DPP10: variants seen among roughly 807,000 people sequenced by gnomAD.
DPP10 encodes inactive dipeptidyl peptidase 10.
Under a neutral mutation model 120.9 loss-of-function variants are expected in DPP10, and 33 were observed. The ratio of observed to expected loss-of-function variants is 0.27; its 90% CI spans 0.21 to 0.37. The LOEUF is 0.37. Ranked by LOEUF, DPP10 falls within the 10% of genes least tolerant of loss-of-function variation. The pLI, the probability that DPP10 is intolerant of heterozygous loss-of-function variation, is 1.00. For synonymous variants in DPP10, 337 were observed against 326.1 expected, an observed-to-expected ratio of 1.03 and a Z score of -0.36; for missense variants, 816 against 942.8, an observed-to-expected ratio of 0.87 and a Z score of 1.76.
At chr2:115,264,299 T>C (rs1025379781) in intron 1 of DPP10, among the ~76,000 whole-genome samples, 1 of 152,216 alleles carries the variant, frequency 6.6e-6, no homozygotes, top group Non-Finnish European at 1.5e-5. Context: ...TCACTGAAAT[T>C]CCTGTATGTT....
chr2:115,464,362 A>G (rs1312082056), intron 3 of DPP10, among the ~76,000 whole-genome samples: 1 of 152,036 alleles, frequency 6.6e-6, no homozygotes, highest in Non-Finnish European at 1.5e-5. Context: ...CTGGAGAGCC[A>G]GATTTGAATT....
intron 3 of DPP10, among the ~76,000 whole-genome samples, chr2:115,391,257 G>A (rs1366951391): frequency 1.3e-5 from 2 of 152,106 alleles, no homozygotes; most frequent in African/African-American, 4.8e-5. Context: ...ATTAACAACA[G>A]GACTTATATC....
intron 1 of DPP10, among the ~76,000 whole-genome samples, chr2:114,895,719 T>C (rs1268804871): frequency 6.6e-6 from 1 of 152,226 alleles, no homozygotes; most frequent in African/African-American, 2.4e-5. Context: ...GGAATTAGCC[T>C]ACTATAACTG....
At chr2:115,233,935 A>G (rs140986760) in intron 1 of DPP10, 30 of 518,402 alleles carry the variant, frequency 5.8e-5, no homozygotes, top group African/African-American at 5.6e-4. Context: ...GTGGATTTAA[A>G]GCTTAGAAAG....
intron 1 of DPP10, among the ~76,000 whole-genome samples, chr2:114,574,534 T>C (rs11694667): frequency 6.6e-6 from 1 of 152,060 alleles, no homozygotes; most frequent in African/African-American, 2.4e-5. Flanking sequence ...GTTAACATTG[T>C]TTAACACAGA....
At chr2:114,626,539 G>A (rs1031363336) in intron 1 of DPP10, among the ~76,000 whole-genome samples, 2 of 151,918 alleles carry the variant, frequency 1.3e-5, no homozygotes, top group East Asian at 1.9e-4. Context: ...GGAATTTGGC[G>A]GGGTGGTCAC....
intron 1 of DPP10, among the ~76,000 whole-genome samples, chr2:114,946,637 C>T (rs1697365064): frequency 6.6e-6 from 1 of 152,040 alleles, no homozygotes; most frequent in East Asian, 1.9e-4. Flanking sequence ...TGAATCCTAG[C>T]ATAAATCCAT....
chr2:115,433,949 C>T (rs530250239), intron 3 of DPP10, among the ~76,000 whole-genome samples: 1 of 152,052 alleles, frequency 6.6e-6, no homozygotes, highest in South Asian at 2.1e-4. Context: ...CTGGTCTTCT[C>T]TAACAGTCAT....
chr2:115,822,227 T>C (rs1687886138), intron 21 of DPP10, among the ~76,000 whole-genome samples: 1 of 152,000 alleles, frequency 6.6e-6, no homozygotes, highest in South Asian at 2.1e-4. Context: ...ATATTAAAAT[T>C]TACTAAGTCA....
chr2:114,991,379 C>G (rs565481829), intron 1 of DPP10, among the ~76,000 whole-genome samples: 1 of 152,190 alleles, frequency 6.6e-6, no homozygotes, highest in Admixed American at 6.5e-5. Context: ...CTGAAAAGCC[C>G]TTAACCAGAA....
chr2:114,547,480 G>A (rs1441213775), intron 1 of DPP10, among the ~76,000 whole-genome samples: 2 of 151,600 alleles, frequency 1.3e-5, no homozygotes, highest in Non-Finnish European at 2.9e-5. Context: ...TTTCCATAAA[G>A]CAGCTGCATT....
intron 8 of DPP10, among the ~76,000 whole-genome samples, chr2:115,728,846 C>T (rs113578854): frequency 3.4e-4 from 52 of 152,052 alleles, no homozygotes; most frequent in African/African-American, 1.0e-3. Flanking sequence ...GGATAAAAGA[C>T]GGAGCAAAAA....
chr2:115,734,723 T>C (rs2092993799), intron 8 of DPP10, among the ~76,000 whole-genome samples: 1 of 147,712 alleles, frequency 6.8e-6, no homozygotes, highest in Non-Finnish European at 1.5e-5. Context: ...AGCATGCATA[T>C]ATATACACAC....
intron 1 of DPP10, among the ~76,000 whole-genome samples, chr2:114,458,229 G>A (rs1678687410): frequency 6.6e-6 from 1 of 152,112 alleles, no homozygotes. Context: ...CCGTTCTTGA[G>A]AATCTGAATT....
chr2:114,902,435 C>T (rs1260007577), intron 1 of DPP10, among the ~76,000 whole-genome samples: 2 of 152,142 alleles, frequency 1.3e-5, no homozygotes, highest in African/African-American at 2.4e-5. Context: ...TGTCTGTTTT[C>T]CAATCCTGGT....
intron 1 of DPP10, among the ~76,000 whole-genome samples, chr2:114,881,489 ATCATATCTCTCTGTCTGTCTG>A (rs1221398245): frequency 6.0e-5 from 6 of 100,176 alleles, no homozygotes; most frequent in African/African-American, 1.3e-4. Flanking sequence ...CTATCTATCT[ATCATATCTCTCTGTCTGTCTG>A]TCTATCTATC....
intron 1 of DPP10, among the ~76,000 whole-genome samples, chr2:115,087,068 A>G (rs1708768782): frequency 6.6e-6 from 1 of 152,208 alleles, no homozygotes; most frequent in Admixed American, 6.5e-5. Flanking sequence ...TTCTCAGCCC[A>G]TGGCACTGTG....
chr2:115,327,172 C>T (rs2062416447), intron 2 of DPP10, among the ~76,000 whole-genome samples: 1 of 152,060 alleles, frequency 6.6e-6, no homozygotes, highest in South Asian at 2.1e-4. Flanking sequence ...AGTGCACTAA[C>T]AGGCAGTACA....
At chr2:115,757,541 C>A (rs987216391) in intron 11 of DPP10, among the ~76,000 whole-genome samples, 118 of 151,994 alleles carry the variant, frequency 7.8e-4, no homozygotes, top group Non-Finnish European at 1.3e-3. Flanking sequence ...AAAGATTCGC[C>A]CCCGTAATTC....
Sources: allele counts gnomAD v4.1 joint callset (sites outside exome capture counted in the v4.1 genomes callset), GRCh38; gene constraint gnomAD v4.1.1; transcripts MANE v1.5; gene names NCBI Gene and HGNC (gene_info 2026-07-23, HGNC 2026-07-21).